JARID2: variants seen among roughly 807,000 people sequenced by gnomAD.
The protein encoded by JARID2 is protein Jumonji.
In JARID2, 21 loss-of-function variants were observed where a neutral mutation model predicts 125.6. The observed-to-expected ratio is 0.17, with a 90% CI of 0.12 to 0.24. The LOEUF (loss-of-function observed/expected upper bound fraction) is 0.24, where lower values mean the gene tolerates loss of function less well. JARID2 is among the 10% of genes least tolerant of loss of function. The probability of loss-of-function intolerance (pLI) is 1.00; values close to 1 mark genes in which losing one functional copy is unlikely to be tolerated. For synonymous variants in JARID2, 736 were observed against 661.6 expected (o/e 1.11, Z -1.73); for missense variants, 1,303 against 1,639.6 (o/e 0.79, Z 3.55).
chr6:15,499,991 CA>C (rs1390332389), intron 7 of JARID2, among the ~76,000 whole-genome samples: 2 of 152,164 alleles, frequency 1.3e-5, no homozygotes, highest in African/African-American at 4.8e-5. Flanking sequence ...TACTTAAAAA[CA>C]ATATATCCCC....
chr6:15,381,375 T>C (rs890148691), intron 2 of JARID2, among the ~76,000 whole-genome samples: 3 of 151,168 alleles, frequency 2.0e-5, no homozygotes, highest in Non-Finnish European at 4.4e-5. Context: ...TGGCTTATGC[T>C]TCAGCTTTAC....
intron 3 of JARID2, among the ~76,000 whole-genome samples, chr6:15,446,814 A>G (rs929316694): frequency 2.0e-5 from 3 of 152,174 alleles, no homozygotes; most frequent in Non-Finnish European, 2.9e-5. Context: ...TGCACACCAG[A>G]AGGCTGTGCT....
chr6:15,314,950 T>G (rs897439505), intron 1 of JARID2: 1 of 152,162 alleles, frequency 6.6e-6, no homozygotes, highest in Non-Finnish European at 1.5e-5. Flanking sequence ...TATACTAAAA[T>G]TGGAATGATA....
chr6:15,333,997 G>C (rs951557040), intron 1 of JARID2, among the ~76,000 whole-genome samples: 1 of 152,140 alleles, frequency 6.6e-6, no homozygotes, highest in Non-Finnish European at 1.5e-5. Flanking sequence ...TATTTAGTGG[G>C]CAAACCTTTA....
rs111768285 is a variant in JARID2 at position 15,508,098 on chromosome 6, G to A, written c.2732-242G>A. On this transcript the variant is annotated intron_variant, in intron 11 of 17. Coordinates refer to ENST00000341776, the MANE Select transcript of JARID2 (RefSeq NM_004973.4). ...GCATTCCTCACCAGGTCAGGTTCCT[G>A]CGGCCACCTCCCTCATGAGGCCGAC... is the stretch of plus-strand genomic sequence containing the variant. 5.1e-3 allele frequency among the ~76,000 whole-genome samples: 773 copies of A among 152,354 alleles called. 6 individuals carry two copies. The highest frequency in any genetic ancestry group is 0.02 in the Middle Eastern group (6 of 294).
At chr6:15,407,265 C>T (rs912013861) in intron 2 of JARID2, among the ~76,000 whole-genome samples, 52 of 152,086 alleles carry the variant, frequency 3.4e-4, no homozygotes, top group African/African-American at 1.1e-3. Context: ...TGTCCCTCTG[C>T]ACCCCCACCC....
intron 1 of JARID2, among the ~76,000 whole-genome samples, chr6:15,271,035 G>A (rs963605982): frequency 3.3e-5 from 5 of 152,120 alleles, no homozygotes; most frequent in Non-Finnish European, 7.3e-5. Flanking sequence ...TGCAAGTATT[G>A]TGTGATGGGA....
At chr6:15,392,030 T>C (rs1184351958) in intron 2 of JARID2, among the ~76,000 whole-genome samples, 1 of 141,390 alleles carries the variant, frequency 7.1e-6, no homozygotes, top group Non-Finnish European at 1.5e-5. Flanking sequence ...AGTGCAGTGA[T>C]CCCAGAGTGG....
rs745359329 is a variant in JARID2 at position 15,521,344 on chromosome 6, GAAAA to G, written c.*1099_*1102del. 1 of 119,740 alleles carries G rather than the reference GAAAA, an allele frequency of 8.4e-6. No homozygotes were observed. Among genetic ancestry groups the G allele is most frequent in the Non-Finnish European group, 1.7e-5 (1 of 57,958 alleles). The allele number at this position is 119,740 out of a possible 1,614,324, so 7.4% of individuals were successfully genotyped here. A position where few individuals can be genotyped will look rare whatever the true frequency, so the allele number is the denominator to read the frequency against. On this transcript the variant is annotated 3_prime_UTR_variant, in exon 18 of 18. Transcript: ENST00000341776. ...TCATGTTGTAACAAAAAGGAAAAAA[GAAAA>G]AAAAATCCCATCCCTTTTGTACATA...
intron 1 of JARID2, among the ~76,000 whole-genome samples, chr6:15,367,057 C>G (rs1339517901): frequency 6.6e-6 from 1 of 152,004 alleles, no homozygotes; most frequent in Non-Finnish European, 1.5e-5. Context: ...TTGGTTGACC[C>G]ATGACCCAGT....
chr6:15,380,023 T>C (rs1764516919), intron 2 of JARID2, among the ~76,000 whole-genome samples: 1 of 151,632 alleles, frequency 6.6e-6, no homozygotes, highest in Non-Finnish European at 1.5e-5. Flanking sequence ...GGATTTTTTT[T>C]TTTTTTGGTC....
At chr6:15,345,293 T>C (rs1393591604) in intron 1 of JARID2, among the ~76,000 whole-genome samples, 3 of 152,242 alleles carry the variant, frequency 2.0e-5, no homozygotes, top group East Asian at 3.8e-4. Flanking sequence ...GAATCTCTTT[T>C]GGAAGTACAA....
intron 3 of JARID2, among the ~76,000 whole-genome samples, chr6:15,413,008 G>GTCTTTTTTTTTTTTT (rs1765958351): frequency 2.1e-5 from 1 of 47,474 alleles, no homozygotes; most frequent in Non-Finnish European, 3.7e-5. Context: ...TTGTGTTTTT[G>GTCTTTTTTTTTTTTT]TTTTTTTTTT....
rs1053556024 is a variant in JARID2 at position 15,251,909 on chromosome 6, C to T, written c.45+5325C>T. 5.3e-5 allele frequency among the ~76,000 whole-genome samples: 8 copies of T among 151,988 alleles called. No homozygotes were observed. The East Asian group carries it at 5.8e-4, about 11-fold the overall frequency. On this transcript the variant is annotated intron_variant, in intron 1 of 17. Transcript: ENST00000341776. Reference sequence around the variant, plus strand: ...AGCAGAATTACTTGAACCCAGGAGGCGGAGGTTGCGGTGAGCCGCTTGAAC... The same window carrying T: ...AGCAGAATTACTTGAACCCAGGAGGTGGAGGTTGCGGTGAGCCGCTTGAAC...
At chr6:15,281,924 C>T (rs903328573) in intron 1 of JARID2, among the ~76,000 whole-genome samples, 1 of 146,162 alleles carries the variant, frequency 6.8e-6, no homozygotes, top group Non-Finnish European at 1.5e-5. Flanking sequence ...GGTATGTGCT[C>T]TGTGTGTGTG....
chr6:15,403,005 T>G (rs1177117466), intron 2 of JARID2, among the ~76,000 whole-genome samples: 1 of 152,074 alleles, frequency 6.6e-6, no homozygotes, highest in East Asian at 1.9e-4. Context: ...ATTCAGTCAT[T>G]ATTATTATTC....
chr6:15,285,538 A>C (rs1760963636), intron 1 of JARID2, among the ~76,000 whole-genome samples: 1 of 152,286 alleles, frequency 6.6e-6, no homozygotes, highest in Admixed American at 6.5e-5. Context: ...AGAATGACTT[A>C]AAAATGACAA....
At chr6:15,268,549 G>T (rs1025297690) in intron 1 of JARID2, among the ~76,000 whole-genome samples, 1 of 152,178 alleles carries the variant, frequency 6.6e-6, no homozygotes, top group African/African-American at 2.4e-5. Context: ...AAAGGACGGT[G>T]GCTTTGGAAG....
chr6:15,438,219 C>G (rs1176231278), intron 3 of JARID2, among the ~76,000 whole-genome samples: 1 of 152,090 alleles, frequency 6.6e-6, no homozygotes, highest in Non-Finnish European at 1.5e-5. Flanking sequence ...TGGAGTTTGG[C>G]AGTGGATTGA....
Sources: gnomAD v4.1 joint callset for allele counts (sites outside exome capture counted in the v4.1 genomes callset) on GRCh38, gnomAD v4.1.1 for gene constraint, MANE v1.5 for transcripts, NCBI Gene and HGNC (gene_info 2026-07-23, HGNC 2026-07-21) for gene names.